NHSL2: variants seen among roughly 807,000 people sequenced by gnomAD.
The protein encoded by NHSL2 is NHS-like protein 2.
NHSL2 carries 27 observed loss-of-function variants against 53.4 expected under a neutral mutation model. The observed-to-expected ratio is 0.51, with a 90% confidence interval of 0.37 to 0.70. NHSL2 has a LOEUF of 0.70. Among genes scored for constraint, NHSL2 ranks in the 30% least tolerant of loss-of-function variants. The pLI, the probability that NHSL2 is intolerant of heterozygous loss-of-function variation, is 0.00. For synonymous variants in NHSL2, 408 were observed against 404.1 expected, an observed-to-expected ratio of 1.01 and a Z score of -0.12; for missense variants, 892 against 980.1, an observed-to-expected ratio of 0.91 and a Z score of 1.20.
chrX:72,083,139 C>T (rs1455636036), intron 1 of NHSL2, among the ~76,000 whole-genome samples: 1 of 111,699 alleles, frequency 9.0e-6, no homozygotes, highest in Non-Finnish European at 1.9e-5. Flanking sequence ...CCAGCCCCAC[C>T]GTTGCTGGTT....
intron 1 of NHSL2, chrX:72,131,789 C>A: frequency 4.5e-6 from 1 of 220,158 alleles, no homozygotes. Context: ...GGCGGAGGCA[C>A]GGGGCCCGGA....
At chrX:72,021,307 C>T (rs933122862) in intron 1 of NHSL2, among the ~76,000 whole-genome samples, 1 of 112,237 alleles carries the variant, frequency 8.9e-6, no homozygotes, top group Non-Finnish European at 1.9e-5. Context: ...TATTCTCAGA[C>T]ACTTCTCATC....
chrX:72,122,380 AAC>A (rs1460985017), intron 1 of NHSL2, among the ~76,000 whole-genome samples: 1 of 112,527 alleles, frequency 8.9e-6, no homozygotes, highest in Admixed American at 9.4e-5. Context: ...GCAGAACAAT[AAC>A]ACTACCTACC....
chrX:71,963,991 A>ATATGTGTG (rs1375614694), intron 1 of NHSL2, among the ~76,000 whole-genome samples: 1,095 of 60,582 alleles, frequency 0.018, 59 homozygotes, highest in East Asian at 0.04. Flanking sequence ...ATATATATAT[A>ATATGTGTG]TGTATATACA....
intron 1 of NHSL2, among the ~76,000 whole-genome samples, chrX:71,937,987 T>C (rs1246696076): frequency 8.9e-6 from 1 of 112,025 alleles, no homozygotes; most frequent in Non-Finnish European, 1.9e-5. Flanking sequence ...AGCTTGGAAG[T>C]CACATATATT....
intron 1 of NHSL2, among the ~76,000 whole-genome samples, chrX:72,055,026 C>T (rs12852507): frequency 8.9e-6 from 1 of 111,803 alleles, no homozygotes; most frequent in African/African-American, 3.3e-5. Flanking sequence ...TCTCCCGCTT[C>T]CTAACCCCCT....
chrX:71,974,003 A>G, intron 1 of NHSL2, among the ~76,000 whole-genome samples: 1 of 112,213 alleles, frequency 8.9e-6, no homozygotes, highest in East Asian at 2.8e-4. Context: ...GTCATGGCTC[A>G]GATGTCACAG....
intron 1 of NHSL2, among the ~76,000 whole-genome samples, chrX:72,099,741 T>C (rs1432341235): frequency 8.9e-6 from 1 of 112,485 alleles, no homozygotes; most frequent in Admixed American, 9.4e-5. Flanking sequence ...TAATAATATA[T>C]TTAATTTACT....
intron 1 of NHSL2, among the ~76,000 whole-genome samples, chrX:72,039,826 TC>T: frequency 8.9e-6 from 1 of 111,802 alleles, no homozygotes; most frequent in South Asian, 3.8e-4. Flanking sequence ...TTGGTGTCCC[TC>T]CCTCTGCCAT....
At chrX:71,989,927 G>A (rs6624588) in intron 1 of NHSL2, among the ~76,000 whole-genome samples, 7,317 of 112,372 alleles carry the variant, frequency 0.065, 235 homozygotes, top group East Asian at 0.28. Context: ...TCCCTGAGGT[G>A]ACATGGGAAT....
At chrX:72,047,841 G>T (rs2042313425) in intron 1 of NHSL2, among the ~76,000 whole-genome samples, 1 of 110,808 alleles carries the variant, frequency 9.0e-6, no homozygotes, top group African/African-American at 3.3e-5. Context: ...GAGGCAAGAT[G>T]GGAAGCCAAG....
intron 1 of NHSL2, among the ~76,000 whole-genome samples, chrX:71,925,122 A>G (rs962696759): frequency 8.9e-6 from 1 of 112,218 alleles, no homozygotes; most frequent in African/African-American, 3.2e-5. Context: ...ATATTAGTTA[A>G]TGCCTACCCT....
intron 1 of NHSL2, among the ~76,000 whole-genome samples, chrX:72,123,514 A>G (rs964696930): frequency 1.8e-5 from 2 of 111,105 alleles, no homozygotes; most frequent in Non-Finnish European, 3.8e-5. Flanking sequence ...CTCAGGTGAG[A>G]GAGGAGGAAG....
intron 2 of NHSL2, 177 bp from the exon 3 acceptor site, chrX:72,133,914 G>A (rs1602397436): frequency 2.3e-6 from 1 of 442,187 alleles, no homozygotes; most frequent in East Asian, 3.9e-5. Flanking sequence ...TCATGGTCCT[G>A]GGAAGCAAGC....
At chrX:71,926,803 C>A (rs755311034) in intron 1 of NHSL2, among the ~76,000 whole-genome samples, 1 of 111,257 alleles carries the variant, frequency 9.0e-6, no homozygotes, top group Non-Finnish European at 1.9e-5. Flanking sequence ...TAGCTTGGTC[C>A]CATTTCACAG....
At chrX:72,031,982 A>G (rs1358241704) in intron 1 of NHSL2, among the ~76,000 whole-genome samples, 1 of 111,190 alleles carries the variant, frequency 9.0e-6, no homozygotes, top group Non-Finnish European at 1.9e-5. Flanking sequence ...CATGTCATGT[A>G]CTCTGTATAT....
At chrX:72,000,876 G>A (rs1226194396) in intron 1 of NHSL2, among the ~76,000 whole-genome samples, 1 of 112,510 alleles carries the variant, frequency 8.9e-6, no homozygotes, top group Non-Finnish European at 1.9e-5. Flanking sequence ...AGTTCCCCTT[G>A]TTATGTAACT....
At chrX:72,104,599 G>A (rs142196177) in intron 1 of NHSL2, among the ~76,000 whole-genome samples, 4 of 112,145 alleles carry the variant, frequency 3.6e-5, no homozygotes, top group South Asian at 3.7e-4. Flanking sequence ...CCAAGGTGAC[G>A]CTGAGGTCTC....
chrX:71,928,765 T>C (rs1054000621), intron 1 of NHSL2, among the ~76,000 whole-genome samples: 7 of 110,907 alleles, frequency 6.3e-5, no homozygotes, highest in African/African-American at 2.3e-4. Flanking sequence ...GGTTTGGACA[T>C]CCAGTCCAAA....
Sources: allele counts gnomAD v4.1 joint callset (sites outside exome capture counted in the v4.1 genomes callset), GRCh38; gene constraint gnomAD v4.1.1; transcripts MANE v1.5; gene names NCBI Gene and HGNC (gene_info 2026-07-23, HGNC 2026-07-21).